DOCK10: variants seen among roughly 807,000 people sequenced by gnomAD.
The protein encoded by DOCK10 is dedicator of cytokinesis protein 10.
In DOCK10, 145 loss-of-function variants were observed where a neutral mutation model predicts 280.1. The ratio of observed to expected loss-of-function variants is 0.52; its 90% CI spans 0.45 to 0.59. DOCK10 has a LOEUF of 0.59. Ranked by LOEUF, DOCK10 falls within the 20% of genes least tolerant of loss-of-function variation. The pLI, the probability that DOCK10 is intolerant of heterozygous loss-of-function variation, is 0.00. For missense variants in DOCK10, 2,368 were observed against 2,651.7 expected, an observed-to-expected ratio of 0.89 and a Z score of 2.35; for synonymous variants, 915 against 942.2, an observed-to-expected ratio of 0.97 and a Z score of 0.53.
chr2:225,013,261 A>G (rs1175467377), intron 1 of DOCK10, among the ~76,000 whole-genome samples: 2 of 152,132 alleles, frequency 1.3e-5, no homozygotes, highest in Non-Finnish European at 2.9e-5. Context: ...AATTTTCAGT[A>G]CCCTATAGGA....
chr2:224,781,220 T>A lies in DOCK10; in HGVS notation c.5656-2936A>T, dbSNP rs3768875. Among the ~76,000 whole-genome samples the A allele has an allele frequency of 1.2e-3, 187 of 152,162 alleles. 2 individuals carry two copies. The highest frequency in any genetic ancestry group is 4.2e-3 in the African/African-American group (173 of 41,530). On this transcript the variant is annotated intron_variant, in intron 50 of 55. Coordinates refer to ENST00000258390, the MANE Select transcript of DOCK10 (RefSeq NM_014689.3). ...TTTCAGCTTCTCTTGCCTGGGCAACTGAGTTTTTCTTATTATAAAAGGTCT... is the reference window on the plus strand; with the variant it reads ...TTTCAGCTTCTCTTGCCTGGGCAACAGAGTTTTTCTTATTATAAAAGGTCT...
intron 22 of DOCK10, among the ~76,000 whole-genome samples, chr2:224,844,420 G>A (rs997090435): frequency 6.6e-5 from 10 of 152,110 alleles, no homozygotes; most frequent in Non-Finnish European, 1.5e-4. Context: ...GTGAGCCACC[G>A]GGCCTGGCCT....
chr2:224,998,719 CCTT>C (rs143427857), intron 1 of DOCK10, among the ~76,000 whole-genome samples: 24 of 152,310 alleles, frequency 1.6e-4, no homozygotes, highest in Admixed American at 9.2e-4. Context: ...CCCTTTCTTC[CCTT>C]CTTCTTTTCC....
intron 24 of DOCK10, among the ~76,000 whole-genome samples, chr2:224,839,142 A>G (rs749522229): frequency 4.3e-4 from 66 of 151,908 alleles, no homozygotes; most frequent in Non-Finnish European, 3.7e-4. Flanking sequence ...GCAGTGGTGC[A>G]ATCTCAGCTC....
At chr2:224,961,398 T>TTC (rs544580894) in intron 1 of DOCK10, among the ~76,000 whole-genome samples, 1 of 111,764 alleles carries the variant, frequency 8.9e-6, no homozygotes, top group Admixed American at 9.5e-5. Context: ...TAGCAGCATT[T>TTC]TCTTTCTTTC....
intron 3 of DOCK10, among the ~76,000 whole-genome samples, chr2:224,915,027 CAA>C (rs1489230655): frequency 1.3e-5 from 2 of 152,170 alleles, no homozygotes; most frequent in South Asian, 2.1e-4. Context: ...AGATTTGTGA[CAA>C]AGTTATAAGG....
chr2:224,903,161 A>G (rs1185778500), intron 3 of DOCK10, among the ~76,000 whole-genome samples: 2 of 152,254 alleles, frequency 1.3e-5, no homozygotes, highest in Non-Finnish European at 2.9e-5. Context: ...TTGAGGCAGA[A>G]GTACAAATAA....
In DOCK10 at chr2:224,837,466, G is replaced by A. The variant is rs1051053241; in HGVS notation, c.2850+296C>T. Reference sequence around the variant, plus strand: ...ATTAACACAGGAATCTCATGTACTTGTAATGTTGACTTCAAAAGGACAGCA... The same window carrying A: ...ATTAACACAGGAATCTCATGTACTTATAATGTTGACTTCAAAAGGACAGCA... On this transcript the variant is annotated intron_variant, in intron 25 of 55. Transcript: ENST00000258390. Among the ~76,000 whole-genome samples, 83 of 152,306 alleles carry A rather than the reference G, an allele frequency of 5.4e-4. 1 individual carries two copies. The highest frequency in any genetic ancestry group is 1.9e-3 in the African/African-American group (81 of 41,566).
intron 25 of DOCK10, among the ~76,000 whole-genome samples, chr2:224,836,793 G>T (rs1695619413): frequency 6.6e-6 from 1 of 151,956 alleles, no homozygotes; most frequent in African/African-American, 2.4e-5. Context: ...TAGAGACAGG[G>T]TTTCACTGTG....
At chr2:224,933,182 G>A (rs1455221797) in intron 1 of DOCK10, among the ~76,000 whole-genome samples, 2 of 152,212 alleles carry the variant, frequency 1.3e-5, no homozygotes, top group African/African-American at 2.4e-5. Context: ...AGAAAATTCA[G>A]AGATGCTATG....
intron 1 of DOCK10, among the ~76,000 whole-genome samples, chr2:224,946,186 C>T (rs1703408175): frequency 6.6e-6 from 1 of 152,182 alleles, no homozygotes; most frequent in Admixed American, 6.5e-5. Context: ...TCTATACATT[C>T]TACAGTTTAT....
chr2:224,903,069 G>A (rs1316315229), intron 3 of DOCK10, among the ~76,000 whole-genome samples: 2 of 152,236 alleles, frequency 1.3e-5, no homozygotes, highest in Non-Finnish European at 2.9e-5. Flanking sequence ...CTGCTCTCCA[G>A]CCTGGGCGAC....
intron 1 of DOCK10, among the ~76,000 whole-genome samples, chr2:225,022,142 C>A (rs1184465812): frequency 6.6e-6 from 1 of 152,214 alleles, no homozygotes; most frequent in Non-Finnish European, 1.5e-5. Flanking sequence ...CATACACACA[C>A]AAACACACAG....
chr2:224,906,778 C>G (rs1046652695), intron 3 of DOCK10, among the ~76,000 whole-genome samples: 3 of 152,226 alleles, frequency 2.0e-5, no homozygotes, highest in Admixed American at 6.5e-5. Context: ...CGCACCCGGC[C>G]TTGTTTATCT....
Position 224,796,349 on chromosome 2 carries a change from G to A in DOCK10, c.4905C>T (p.Thr1635=). The change falls in exon 44 of 56, where the codon ACC becomes ACT. Residue 1635 remains threonine (T), a synonymous_variant. Transcript: ENST00000258390. The part of the protein sequence containing the change: ...GSRFQHSLAI[T]NNFANGDKQM... ...GCTTATCTCCATTGGCGAAATTATT[G>A]GTAATTGCAAGCGAATGTTGAAACC... The A allele has an allele frequency of 2.5e-6, 4 of 1,570,302 alleles. No homozygotes were observed. In the African/African-American group the frequency reaches 5.4e-5, roughly 21 times the overall value.
At position 224,970,132 on chromosome 2, in the gene DOCK10, T is replaced by C. The variant is rs1197773883; in HGVS notation, c.124-38464A>G. Reference sequence around the variant, plus strand: ...TTAGTGGAGAACTGAAGGGTAGTCATGTGTGTCAAAACGTCTCCCCAGAAT... The same window carrying C: ...TTAGTGGAGAACTGAAGGGTAGTCACGTGTGTCAAAACGTCTCCCCAGAAT... On this transcript the variant is annotated intron_variant, in intron 1 of 55. Transcript: ENST00000258390. The surrounding 1 kb of genome is among the most constrained non-coding windows in gnomAD (Gnocchi z 4.6). 6.6e-6 allele frequency among the ~76,000 whole-genome samples: 1 copy of C among 152,240 alleles called. No individual in the cohort carries two copies. Among genetic ancestry groups the C allele is most frequent in the Non-Finnish European group, 1.5e-5 (1 of 68,040 alleles).
At chr2:224,968,900 G>T in intron 1 of DOCK10, among the ~76,000 whole-genome samples, 1 of 152,172 alleles carries the variant, frequency 6.6e-6, no homozygotes, top group East Asian at 1.9e-4. Flanking sequence ...AACTCAAACA[G>T]AGCCACAGAC....
At chr2:224,995,030 C>T (rs962076365) in intron 1 of DOCK10, among the ~76,000 whole-genome samples, 11 of 152,156 alleles carry the variant, frequency 7.2e-5, no homozygotes, top group Non-Finnish European at 1.0e-4. Flanking sequence ...TTCACACACA[C>T]GGCTGGCAAG....
rs746296909 is a variant in DOCK10, at chr2:224,787,126, C to T, written c.5551G>A (p.Asp1851Asn). ...GACCGATGAATGTCGTAGTAGAGATCTGACAATTTCTGAAACCATAAGTGA... is the reference window on the plus strand; with the variant it reads ...GACCGATGAATGTCGTAGTAGAGATTTGACAATTTCTGAAACCATAAGTGA... ...EKQRDFKKLS[D>N]LYYDIHRSYL... The change falls in exon 50 of 56, where the codon GAT becomes AAT. Residue 1851 changes from aspartate (D) to asparagine (N), a missense_variant. This residue lies in a region of DOCK10 where 1,159 missense variants were observed against 1,400.8 expected (regional missense o/e 0.83). Transcript: ENST00000258390. 6.2e-7 allele frequency: 1 copy of T among 1,613,560 alleles called. No individual in the cohort carries two copies. The highest frequency in any genetic ancestry group is 2.2e-5 in the East Asian group (1 of 44,888).
Sources: gnomAD v4.1 joint callset for allele counts (sites outside exome capture counted in the v4.1 genomes callset) on GRCh38, gnomAD v4.1.1 for gene constraint, gnomAD v4.1.1 regional missense constraint, Gnocchi (gnomAD v3.1) non-coding constraint, MANE v1.5 for transcripts, NCBI Gene and HGNC (gene_info 2026-07-23, HGNC 2026-07-21) for gene names.